CDK15: variants seen among roughly 807,000 people sequenced by gnomAD.
CDK15 encodes the protein cyclin-dependent kinase 15.
A neutral mutation model predicts 60.3 loss-of-function variants in CDK15; 62 were observed. The ratio of observed to expected loss-of-function variants is 1.03; its 90% CI spans 0.84 to 1.27. CDK15 has a LOEUF of 1.27. CDK15 is among the 50% of genes most tolerant of loss of function. The pLI is 0.00. For missense variants in CDK15, 541 were observed against 527.8 expected (o/e 1.03, Z -0.25); for synonymous variants, 194 against 195.7 (o/e 0.99, Z 0.07).
intron 4 of CDK15, among the ~76,000 whole-genome samples, 175 bp downstream of exon 4, chr2:201,812,737 T>A (rs962718284): frequency 8.5e-5 from 13 of 152,214 alleles, no homozygotes; most frequent in African/African-American, 2.9e-4. Context: ...TATTACTTAA[T>A]TTTGAGGAAA....
intron 8 of CDK15, among the ~76,000 whole-genome samples, chr2:201,840,888 G>T (rs1697345799): frequency 6.6e-6 from 1 of 152,036 alleles, no homozygotes; most frequent in Non-Finnish European, 1.5e-5. Context: ...ACCCTGTTTG[G>T]TATATCTTGT....
chr2:201,824,590 C>A, intron 6 of CDK15: 1 of 315,776 alleles, frequency 3.2e-6, no homozygotes, highest in Non-Finnish European at 6.0e-6. Context: ...AATATACAGC[C>A]TTAAAATAGA....
intron 10 of CDK15, among the ~76,000 whole-genome samples, chr2:201,870,740 A>C (rs1162251707): frequency 6.6e-6 from 1 of 152,186 alleles, no homozygotes; most frequent in Non-Finnish European, 1.5e-5. Context: ...ACTAACAAAC[A>C]AAATAATTAC....
intron 12 of CDK15, 94 bp from the exon 13 acceptor site, chr2:201,890,691 T>C (rs1574948265): frequency 1.1e-6 from 1 of 885,624 alleles, no homozygotes; most frequent in East Asian, 2.5e-5. Flanking sequence ...GTTTTGACAT[T>C]TCTTCAGGTG....
At chr2:201,832,472 A>C (rs1175869562) in intron 6 of CDK15, among the ~76,000 whole-genome samples, 2 of 152,230 alleles carry the variant, frequency 1.3e-5, no homozygotes, top group Non-Finnish European at 2.9e-5. Flanking sequence ...TTTAAATGTC[A>C]GTGTAGGAAT....
chr2:201,893,022 C>A (rs933064409), intron 13 of CDK15, among the ~76,000 whole-genome samples: 2 of 152,178 alleles, frequency 1.3e-5, no homozygotes, highest in Admixed American at 1.3e-4. Flanking sequence ...AAGGGCTTTA[C>A]ACATATTCTT....
chr2:201,847,349 A>G, intron 8 of CDK15, 32 bp from the exon 9 acceptor site: 1 of 1,581,608 alleles, frequency 6.3e-7, no homozygotes, highest in South Asian at 1.1e-5. Context: ...ATTTCTTTCA[A>G]AGTGTCAATT....
intron 2 of CDK15, 84 bp downstream of exon 2, chr2:201,807,727 T>C: frequency 2.5e-6 from 4 of 1,577,530 alleles, no homozygotes; most frequent in Non-Finnish European, 3.5e-6. Flanking sequence ...GGGCAATTAC[T>C]GAGCGAGCCT....
intron 12 of CDK15, among the ~76,000 whole-genome samples, chr2:201,884,774 G>A (rs1332747020): frequency 1.3e-5 from 2 of 152,194 alleles, no homozygotes; most frequent in Non-Finnish European, 2.9e-5. Context: ...CTTGCATGGT[G>A]GGAGAATCAT....
chr2:201,827,296 A>T (rs1237572724), intron 6 of CDK15, among the ~76,000 whole-genome samples: 1 of 152,138 alleles, frequency 6.6e-6, no homozygotes, highest in East Asian at 1.9e-4. Flanking sequence ...AAATTTAAAA[A>T]TCAGCTGAGC....
At chr2:201,824,820 G>T in intron 6 of CDK15, 1 of 635,560 alleles carries the variant, frequency 1.6e-6, no homozygotes, top group Non-Finnish European at 2.2e-6. Context: ...CTGAAGGACA[G>T]TGTTACAGCA....
Position 201,833,899 on chromosome 2 carries a change from G to A in CDK15, c.658G>A (p.Val220Ile), listed in dbSNP as rs767881343. Residue 220 changes from valine (V) to isoleucine (I), a missense_variant, in exon 7 of 14, where the codon GTT becomes ATT. Val to Ile is a conservative substitution (Grantham distance 29, BLOSUM62 3). Transcript: ENST00000652192. ...CCTGGCGTACATCCACCACCAACAC[G>A]TTCTTCACAGGGACCTGAAACCTCA... Reference protein sequence around the residue: ...RGLAYIHHQHVLHRDLKPQNL... With the variant: ...RGLAYIHHQHILHRDLKPQNL... The A allele has an allele frequency of 1.1e-5, 17 of 1,613,690 alleles. No individual in the cohort carries two copies. Among genetic ancestry groups the A allele is most frequent in the Admixed American group, 1.7e-5 (1 of 59,966 alleles).
chr2:201,858,433 A>C (rs1156249809), intron 10 of CDK15, among the ~76,000 whole-genome samples: 97 of 96,158 alleles, frequency 1.0e-3, no homozygotes, highest in African/African-American at 2.0e-3. Context: ...TCTCTCTTTC[A>C]CTCCCTCCCT....
chr2:201,807,561 G>T lies in CDK15; in HGVS notation c.191G>T (p.Arg64Leu), dbSNP rs759835104. 5.0e-6 allele frequency: 8 copies of T among 1,614,032 alleles called. No homozygotes were observed. The African/African-American group carries it at 6.7e-5, about 13-fold the overall frequency. Residue 64 changes from arginine to leucine, a missense_variant, in exon 2 of 14, where the codon CGT (arginine) becomes CTT (leucine). Physicochemically the swap from Arg to Leu is moderately radical, Grantham distance 102 (BLOSUM62 -2). Coordinates refer to ENST00000652192, the MANE Select transcript of CDK15 (RefSeq NM_001366386.2). ...CACCCCAGGGGACTTCAAGCTGCCC[G>T]TGCCCAGAAGTTCAAGAGTAAAAGG... ...SFHPRGLQAA[R>L]AQKFKSKRPR... is the part of the protein sequence containing the mutation.
At chr2:201,809,323 T>C (rs2106148326) in intron 3 of CDK15, among the ~76,000 whole-genome samples, 1 of 152,316 alleles carries the variant, frequency 6.6e-6, no homozygotes, top group African/African-American at 2.4e-5. Context: ...AATTCACTTA[T>C]CTTTTCTTCT....
At chr2:201,822,135 G>C (rs986780466) in intron 4 of CDK15, among the ~76,000 whole-genome samples, 2 of 152,102 alleles carry the variant, frequency 1.3e-5, no homozygotes, top group Non-Finnish European at 1.5e-5. Flanking sequence ...TTTAGTAACC[G>C]ATTATTGAAG....
chr2:201,823,080 C>G (rs927281922), intron 5 of CDK15, among the ~76,000 whole-genome samples, 177 bp downstream of exon 5: 2 of 152,182 alleles, frequency 1.3e-5, no homozygotes, highest in Non-Finnish European at 2.9e-5. Flanking sequence ...TTTGGTCCTG[C>G]TTCCTTACCC....
chr2:201,824,684 G>T (rs2105716430), intron 6 of CDK15: 2 of 372,332 alleles, frequency 5.4e-6, no homozygotes, highest in Middle Eastern at 1.0e-3. Context: ...AGTTCTAATG[G>T]AATGGTGAAC....
At position 201,874,389 on chromosome 2, in the gene CDK15, A is replaced by G. The variant is rs559510126; in HGVS notation, c.1058+2063A>G. Among the ~76,000 whole-genome samples the G allele has an allele frequency of 2.0e-5, 3 of 152,344 alleles. No homozygotes were observed. The South Asian group carries it at 6.2e-4, about 32-fold the overall frequency. On this transcript the variant is annotated intron_variant, in intron 11 of 13. Transcript: ENST00000652192. Reference sequence around the variant, plus strand: ...TGAAAGGGTTAACATTGGATGGGATATATACTATGTACCTAGCAGGGTGCT... The same window carrying G: ...TGAAAGGGTTAACATTGGATGGGATGTATACTATGTACCTAGCAGGGTGCT...
Sources: gnomAD v4.1 joint callset for allele counts (sites outside exome capture counted in the v4.1 genomes callset) on GRCh38, gnomAD v4.1.1 for gene constraint, MANE v1.5 for transcripts, NCBI Gene and HGNC (gene_info 2026-07-23, HGNC 2026-07-21) for gene names.